GRID1: variants seen among roughly 807,000 people sequenced by gnomAD.
GRID1 encodes the protein glutamate ionotropic receptor delta type subunit 1, also known as glutamate receptor ionotropic, delta-1.
GRID1 carries 28 observed loss-of-function variants against 98.0 expected under a neutral mutation model. The observed-to-expected ratio is 0.29, with a 90% CI of 0.21 to 0.39. The LOEUF (loss-of-function observed/expected upper bound fraction) is 0.39, where lower values mean the gene tolerates loss of function less well. GRID1 is among the 10% of genes least tolerant of loss of function. The pLI, the probability that GRID1 is intolerant of heterozygous loss-of-function variation, is 1.00. For missense variants in GRID1, 1,111 were observed against 1,340.5 expected, an observed-to-expected ratio of 0.83 and a Z score of 2.67; for synonymous variants, 553 against 538.5, an observed-to-expected ratio of 1.03 and a Z score of -0.37.
intron 13 of GRID1, among the ~76,000 whole-genome samples, chr10:85,626,989 A>AT (rs1432979751): frequency 1.3e-5 from 2 of 152,124 alleles, no homozygotes; most frequent in Non-Finnish European, 2.9e-5. Context: ...TTGCATAGAG[A>AT]TTTTTTCAGG....
chr10:85,771,224 G>C (rs1056011168), intron 8 of GRID1, among the ~76,000 whole-genome samples: 1 of 152,144 alleles, frequency 6.6e-6, no homozygotes, highest in Admixed American at 6.5e-5. Flanking sequence ...GCCAAACTAA[G>C]ATTCATAAGT....
chr10:86,253,666 T>A (rs1846871647), intron 2 of GRID1, among the ~76,000 whole-genome samples: 1 of 152,090 alleles, frequency 6.6e-6, no homozygotes, highest in Non-Finnish European at 1.5e-5. Flanking sequence ...CCCGAGGGCA[T>A]CAGGAAAGGG....
intron 4 of GRID1, among the ~76,000 whole-genome samples, chr10:86,076,234 G>A (rs926223224): frequency 6.6e-6 from 1 of 152,132 alleles, no homozygotes; most frequent in African/African-American, 2.4e-5. Context: ...GTATATCCAA[G>A]CCATGATTTC....
intron 8 of GRID1, among the ~76,000 whole-genome samples, chr10:85,748,383 T>A (rs11201772): frequency 0.025 from 3,810 of 152,270 alleles, 150 homozygotes; most frequent in African/African-American, 0.087. Flanking sequence ...TGTCATCCCC[T>A]GAAAACCAGG....
At chr10:86,087,997 C>T (rs1844089617) in intron 4 of GRID1, among the ~76,000 whole-genome samples, 1 of 152,238 alleles carries the variant, frequency 6.6e-6, no homozygotes. Flanking sequence ...GCTCCCAACA[C>T]TGGCCGCCTC....
At chr10:86,293,694 G>A (rs956929225) in intron 2 of GRID1, among the ~76,000 whole-genome samples, 9 of 152,212 alleles carry the variant, frequency 5.9e-5, no homozygotes, top group African/African-American at 1.9e-4. Flanking sequence ...TGTCAGCACA[G>A]AGACACAGAC....
chr10:85,933,170 C>T (rs1264051503), intron 4 of GRID1, among the ~76,000 whole-genome samples: 2 of 151,882 alleles, frequency 1.3e-5, no homozygotes, highest in Admixed American at 1.3e-4. Flanking sequence ...CCCTCTCTTG[C>T]CCTCCTGCTT....
chr10:85,982,203 A>C (rs989522174), intron 4 of GRID1, among the ~76,000 whole-genome samples: 1 of 152,024 alleles, frequency 6.6e-6, no homozygotes, highest in African/African-American at 2.4e-5. Context: ...CAAAAAAAAA[A>C]AAAAAATTGG....
intron 8 of GRID1, among the ~76,000 whole-genome samples, chr10:85,765,116 T>C (rs1342557532): frequency 6.6e-6 from 1 of 152,204 alleles, no homozygotes; most frequent in Admixed American, 6.5e-5. Context: ...TTTTGTATTA[T>C]GTTGTATTAT....
intron 4 of GRID1, among the ~76,000 whole-genome samples, chr10:86,067,008 C>G (rs1589359100): frequency 6.6e-6 from 1 of 152,232 alleles, no homozygotes; most frequent in East Asian, 1.9e-4. Context: ...CTATCAATCA[C>G]CCCTTCCTTA....
chr10:85,769,361 G>A, intron 8 of GRID1, among the ~76,000 whole-genome samples: 1 of 152,204 alleles, frequency 6.6e-6, no homozygotes, highest in Non-Finnish European at 1.5e-5. Context: ...TGGCTGAATA[G>A]GAACAGCTCC....
At chr10:85,745,946 T>C (rs533368003) in intron 8 of GRID1, among the ~76,000 whole-genome samples, 1 of 152,176 alleles carries the variant, frequency 6.6e-6, no homozygotes, top group Non-Finnish European at 1.5e-5. Flanking sequence ...CAGTAACAAG[T>C]TTTAATTGAG....
intron 4 of GRID1, among the ~76,000 whole-genome samples, chr10:85,945,974 T>C (rs542824506): frequency 3.3e-5 from 5 of 152,358 alleles, no homozygotes; most frequent in African/African-American, 9.6e-5. Flanking sequence ...TTCTTATGAA[T>C]TGTTAAAACA....
intron 8 of GRID1, among the ~76,000 whole-genome samples, chr10:85,786,446 C>T (rs939696102): frequency 1.3e-5 from 2 of 152,226 alleles, no homozygotes; most frequent in African/African-American, 4.8e-5. Context: ...CTGCTCTTTC[C>T]TGGTTGCTCA....
At chr10:85,691,116 C>G (rs1346999132) in intron 12 of GRID1, among the ~76,000 whole-genome samples, 1 of 152,100 alleles carries the variant, frequency 6.6e-6, no homozygotes, top group African/African-American at 2.4e-5. Context: ...ATAAAGTGAC[C>G]ATCTAAAATC....
chr10:86,222,949 C>A (rs553490527), intron 2 of GRID1, among the ~76,000 whole-genome samples: 11 of 152,274 alleles, frequency 7.2e-5, no homozygotes, highest in Admixed American at 3.3e-4. Flanking sequence ...TGCATCCCCC[C>A]CTCCACAGCA....
intron 8 of GRID1, among the ~76,000 whole-genome samples, chr10:85,789,986 C>T (rs957568785): frequency 2.0e-5 from 3 of 152,204 alleles, no homozygotes; most frequent in Non-Finnish European, 4.4e-5. Context: ...CTTCCATCTC[C>T]GGAGAGCCCT....
intron 4 of GRID1, among the ~76,000 whole-genome samples, chr10:86,074,664 G>T (rs1843855457): frequency 6.6e-6 from 1 of 152,192 alleles, no homozygotes; most frequent in South Asian, 2.1e-4. Context: ...AAACATAGGG[G>T]TCAAGTAACC....
chr10:86,206,243 TG>T lies in GRID1; in HGVS notation c.520+120del. ...AAGCTCGAGGTTTGACCCTATCACC[TG>T]GAGGCCCACTCAGCACAGACCACCC... On this transcript the variant is annotated intron_variant, in intron 3 of 15. Coordinates refer to ENST00000327946, the MANE Select transcript of GRID1 (RefSeq NM_017551.3). The surrounding 1 kb of genome is among the most constrained non-coding windows in gnomAD (Gnocchi z 4.1). The T allele has an allele frequency of 1.2e-6, 1 of 822,888 alleles. No individual in the cohort carries two copies. The highest frequency in any genetic ancestry group is 1.9e-6 in the Non-Finnish European group (1 of 537,384). 51.0% of individuals were successfully genotyped at this position (822,888 alleles called of 1,614,324 possible).
Sources: gnomAD v4.1 joint callset for allele counts (sites outside exome capture counted in the v4.1 genomes callset) on GRCh38, gnomAD v4.1.1 for gene constraint, Gnocchi (gnomAD v3.1) non-coding constraint, MANE v1.5 for transcripts, NCBI Gene and HGNC (gene_info 2026-07-23, HGNC 2026-07-21) for gene names.